Variants in RELN observed in about 807,000 individuals in gnomAD.
RELN encodes reelin.
In RELN, 108 loss-of-function variants were observed where a neutral mutation model predicts 427.6. The observed-to-expected ratio is 0.25, with a 90% CI of 0.22 to 0.30. The LOEUF (loss-of-function observed/expected upper bound fraction) is 0.30, where lower values mean the gene tolerates loss of function less well. Ranked by LOEUF, RELN falls within the 10% of genes least tolerant of loss-of-function variation. RELN has a pLI of 1.00. For synonymous variants in RELN, 1,524 were observed against 1,513.4 expected (o/e 1.01, Z -0.16); for missense variants, 3,715 against 4,302.8 (o/e 0.86, Z 3.82).
intron 64 of RELN, 146 bp downstream of exon 64, chr7:103,478,243 A>G: frequency 4.9e-6 from 3 of 607,976 alleles, no homozygotes; most frequent in South Asian, 4.1e-5. Flanking sequence ...ATGTTCCACT[A>G]TATACCAGTA....
Position 103,565,395 on chromosome 7 carries a change from G to A in RELN, c.5093C>T (p.Thr1698Ile), listed in dbSNP as rs1308865199. The change falls in exon 34 of 65, where the codon ACC (threonine) becomes ATC (isoleucine). Residue 1698 changes from threonine to isoleucine, a missense_variant. By Grantham distance (89) the Thr-to-Ile change is moderately conservative. Around this residue, in one of 4 missense-constraint regions of RELN, gnomAD observed 2,208 missense variants for 2,361.7 expected, o/e 0.93. Coordinates refer to ENST00000428762, the MANE Select transcript of RELN (RefSeq NM_005045.4). ...AATGGTTGGAGGAACACACTCTTCG[G>A]TGACAAGATGCCAGTCCTTGCCATT... is the stretch of plus-strand genomic sequence containing the variant. ...LNNGKDWHLV[T>I]EECVPPTIGC... is the part of the protein sequence containing the mutation. 6.2e-7 allele frequency: 1 copy of A among 1,614,086 alleles called. No individual in the cohort carries two copies. Among genetic ancestry groups the A allele is most frequent in the African/African-American group, 1.3e-5 (1 of 75,032 alleles).
chr7:103,851,846 A>G (rs546996914), intron 2 of RELN, among the ~76,000 whole-genome samples: 1 of 152,350 alleles, frequency 6.6e-6, no homozygotes, highest in African/African-American at 2.4e-5. Context: ...ATCGGATATT[A>G]GCAGAAATGA....
intron 4 of RELN, among the ~76,000 whole-genome samples, chr7:103,773,417 C>A: frequency 1.0e-5 from 1 of 98,342 alleles, no homozygotes; most frequent in Admixed American, 1.1e-4. Context: ...CTCTCTCTCT[C>A]CCTCGCTCCC....
At chr7:103,933,329 G>C (rs1211044783) in intron 1 of RELN, among the ~76,000 whole-genome samples, 1 of 152,042 alleles carries the variant, frequency 6.6e-6, no homozygotes, top group Non-Finnish European at 1.5e-5. Flanking sequence ...CAAAATTCCT[G>C]AAAATTCAAC....
Position 103,859,700 on chromosome 7 carries a change from T to C in RELN, c.338-26028A>G, listed in dbSNP as rs187417967. ...CACACTATATCCAATTTCATTGCATTCCCCATAGTGAAACAACTTTATGGC... is the reference window on the plus strand; with the variant it reads ...CACACTATATCCAATTTCATTGCATCCCCCATAGTGAAACAACTTTATGGC... On this transcript the variant is annotated intron_variant, in intron 2 of 64. Transcript: ENST00000428762. Among the ~76,000 whole-genome samples the C allele has an allele frequency of 6.9e-4, 105 of 152,306 alleles. 1 individual carries two copies. Among genetic ancestry groups the C allele is most frequent in the Non-Finnish European group, 1.2e-3 (81 of 68,004 alleles).
At chr7:103,865,588 G>C (rs974966355) in intron 2 of RELN, among the ~76,000 whole-genome samples, 1 of 152,138 alleles carries the variant, frequency 6.6e-6, no homozygotes, top group Non-Finnish European at 1.5e-5. Flanking sequence ...GGCAAGGATA[G>C]TTCCAACAAA....
chr7:103,945,592 A>G (rs1796204557), intron 1 of RELN, among the ~76,000 whole-genome samples: 1 of 152,234 alleles, frequency 6.6e-6, no homozygotes, highest in African/African-American at 2.4e-5. Flanking sequence ...GATTTCCCTA[A>G]TCCCCGTAAC....
intron 51 of RELN, among the ~76,000 whole-genome samples, chr7:103,504,805 C>T (rs1176560090): frequency 1.3e-5 from 2 of 152,200 alleles, no homozygotes; most frequent in Non-Finnish European, 2.9e-5. Flanking sequence ...CCCCACGGAG[C>T]CCAGCAAGGT....
chr7:103,709,193 T>C (rs1380383180), intron 8 of RELN, among the ~76,000 whole-genome samples: 1 of 152,176 alleles, frequency 6.6e-6, no homozygotes, highest in Non-Finnish European at 1.5e-5. Flanking sequence ...GGGTGATTTA[T>C]AGCCCCTGTC....
intron 1 of RELN, among the ~76,000 whole-genome samples, chr7:103,939,539 A>T (rs934262138): frequency 6.6e-6 from 1 of 152,220 alleles, no homozygotes; most frequent in Non-Finnish European, 1.5e-5. Context: ...ACTCATGAAC[A>T]GTGGTGGGTT....
chr7:103,582,489 G>A (rs1831174772), intron 28 of RELN, among the ~76,000 whole-genome samples: 1 of 152,140 alleles, frequency 6.6e-6, no homozygotes, highest in Non-Finnish European at 1.5e-5. Context: ...CTTATGAGTT[G>A]GAGCCACTGA....
At chr7:103,772,546 A>G (rs2116185815) in intron 4 of RELN, among the ~76,000 whole-genome samples, 1 of 152,296 alleles carries the variant, frequency 6.6e-6, no homozygotes, top group Non-Finnish European at 1.5e-5. Context: ...AGAGAGAGTT[A>G]TGTATGAGGG....
intron 64 of RELN, among the ~76,000 whole-genome samples, chr7:103,474,735 G>A (rs189554222): frequency 1.3e-5 from 2 of 151,118 alleles, no homozygotes; most frequent in South Asian, 2.1e-4. Context: ...ATCCTCAGTC[G>A]CCTTATAGTT....
Position 103,589,511 on chromosome 7 carries a change from T to C in RELN, c.4145+85A>G, listed in dbSNP as rs922315565. ...GAATTGTATTTTCGGGGTTTTGATCTTTCAGGATTACAACATTTAGGGTTA... is the reference window on the plus strand; with the variant it reads ...GAATTGTATTTTCGGGGTTTTGATCCTTCAGGATTACAACATTTAGGGTTA... On this transcript the variant is annotated intron_variant, in intron 28 of 64. Transcript: ENST00000428762. The C allele has an allele frequency of 3.3e-6, 3 of 906,992 alleles. No individual in the cohort carries two copies. The Admixed American group carries it at 5.3e-5, about 16-fold the overall frequency. The allele number at this position is 906,992 out of a possible 1,614,324, so 56.2% of individuals were successfully genotyped here. A position where few individuals can be genotyped will look rare whatever the true frequency, so the allele number is the denominator to read the frequency against.
In RELN at chr7:103,682,180, CATCCCTGGTGG is replaced by C. The variant is rs752890108; in HGVS notation, c.1214_1224del (p.Thr405SerfsTer17). ...TGAATATCTTCTGTGGAAAGATCTA[CATCCCTGGTGG>C]TGGCAAAATTGAACTCGCTGCCTTC... On this transcript the variant is annotated frameshift_variant, in exon 11 of 65. Transcript: ENST00000428762. LOFTEE classifies it high-confidence loss of function. The C allele has an allele frequency of 6.2e-7, 1 of 1,614,014 alleles. No homozygotes were observed. The highest frequency in any genetic ancestry group is 1.1e-5 in the South Asian group (1 of 91,080).
At chr7:103,531,592 C>T (rs1829941662) in intron 46 of RELN, among the ~76,000 whole-genome samples, 1 of 152,172 alleles carries the variant, frequency 6.6e-6, no homozygotes, top group Admixed American at 6.5e-5. Flanking sequence ...AATTTCATGA[C>T]CCAGCTTGGT....
intron 13 of RELN, among the ~76,000 whole-genome samples, chr7:103,653,180 A>C (rs1482593104): frequency 6.6e-6 from 1 of 152,096 alleles, no homozygotes; most frequent in African/African-American, 2.4e-5. Flanking sequence ...TTGTGAAAAT[A>C]GGACAGAAAC....
At chr7:103,851,636 T>A (rs1041716788) in intron 2 of RELN, among the ~76,000 whole-genome samples, 15 of 152,158 alleles carry the variant, frequency 9.9e-5, no homozygotes, top group African/African-American at 3.6e-4. Flanking sequence ...ATTCCTCAAT[T>A]ACCTTCACCA....
At chr7:103,533,712 G>A (rs1006884785) in intron 46 of RELN, among the ~76,000 whole-genome samples, 3 of 152,060 alleles carry the variant, frequency 2.0e-5, no homozygotes, top group Non-Finnish European at 4.4e-5. Context: ...TTGTGGGTAT[G>A]TACAAGAGAC....
Sources: gnomAD v4.1 joint callset for allele counts (sites outside exome capture counted in the v4.1 genomes callset) on GRCh38, gnomAD v4.1.1 for gene constraint, gnomAD v4.1.1 regional missense constraint, MANE v1.5 for transcripts, NCBI Gene and HGNC (gene_info 2026-07-23, HGNC 2026-07-21) for gene names.